NXPE2: variants seen among roughly 807,000 people sequenced by gnomAD.
NXPE2 encodes the protein NXPE family member 2.
In NXPE2, 34 loss-of-function variants were observed where a neutral mutation model predicts 34.4. The observed-to-expected ratio is 0.99, with a 90% CI of 0.75 to 1.31. The LOEUF (loss-of-function observed/expected upper bound fraction) is 1.31. Ranked by LOEUF, NXPE2 falls within the 40% of genes most tolerant of loss-of-function variation. NXPE2 has a pLI of 0.00. For missense variants in NXPE2, 649 were observed against 672.5 expected (o/e 0.97, Z 0.39); for synonymous variants, 235 against 231.3 (o/e 1.02, Z -0.15).
At chr11:114,620,489 GATA>G in the NXPE2 span, among the ~76,000 whole-genome samples, 3 of 151,682 alleles carry the variant, frequency 2.0e-5, no homozygotes, top group Non-Finnish European at 4.4e-5. Context: ...TTGCCCGGTG[GATA>G]ATAAGTGTTG....
the NXPE2 span, among the ~76,000 whole-genome samples, chr11:114,646,972 G>A: frequency 1.3e-5 from 2 of 152,178 alleles, no homozygotes; most frequent in African/African-American, 4.8e-5. Flanking sequence ...CTGTAAACCA[G>A]CACAAGTGTC....
At chr11:114,465,413 A>T in the NXPE2 span, among the ~76,000 whole-genome samples, 1 of 152,216 alleles carries the variant, frequency 6.6e-6, no homozygotes, top group Non-Finnish European at 1.5e-5. Context: ...ATATGATTTC[A>T]TTTAAATAAA....
chr11:114,501,917 T>A, the NXPE2 span, among the ~76,000 whole-genome samples: 1 of 152,226 alleles, frequency 6.6e-6, no homozygotes, highest in Non-Finnish European at 1.5e-5. Context: ...ATCTCTGTGC[T>A]GTCAAAAGTA....
chr11:114,530,813 T>C, the NXPE2 span: 7 of 1,614,100 alleles, frequency 4.3e-6, no homozygotes, highest in Admixed American at 1.2e-4. Flanking sequence ...TCTCTGTTAG[T>C]GGCTTTAATG....
the NXPE2 span, among the ~76,000 whole-genome samples, chr11:114,601,093 C>G: frequency 6.6e-6 from 1 of 151,584 alleles, no homozygotes; most frequent in Non-Finnish European, 1.5e-5. Flanking sequence ...TTGCTATTTA[C>G]TTATTTATAT....
chr11:114,635,475 G>T, the NXPE2 span, among the ~76,000 whole-genome samples: 4 of 151,862 alleles, frequency 2.6e-5, no homozygotes, highest in Non-Finnish European at 4.4e-5. Flanking sequence ...CTGCGTAATT[G>T]CCCTGGCCAG....
chr11:114,755,025 A>G, the NXPE2 span, among the ~76,000 whole-genome samples: 6 of 152,186 alleles, frequency 3.9e-5, no homozygotes, highest in East Asian at 1.2e-3. Flanking sequence ...GATTTTTGCA[A>G]TGTGGAGGTC....
At chr11:114,802,621 T>A in the NXPE2 span, among the ~76,000 whole-genome samples, 1 of 152,186 alleles carries the variant, frequency 6.6e-6, no homozygotes, top group South Asian at 2.1e-4. Context: ...TCTTTTATTT[T>A]TTTTAATAAT....
intron 2 of NXPE2, among the ~76,000 whole-genome samples, chr11:114,689,226 C>G (rs975822623): frequency 1.3e-5 from 2 of 152,052 alleles, no homozygotes; most frequent in Non-Finnish European, 2.9e-5. Context: ...GGATTTAGCA[C>G]TATAAACTTT....
chr11:114,572,118 T>C, the NXPE2 span, among the ~76,000 whole-genome samples: 1 of 152,062 alleles, frequency 6.6e-6, no homozygotes, highest in African/African-American at 2.4e-5. Context: ...CAGAGCCCAG[T>C]AGCTCCACTG....
At chr11:114,736,919 T>C in the NXPE2 span, among the ~76,000 whole-genome samples, 1 of 152,176 alleles carries the variant, frequency 6.6e-6, no homozygotes, top group African/African-American at 2.4e-5. Context: ...AGTGCCTGTT[T>C]GTGGTGTTCC....
the NXPE2 span, among the ~76,000 whole-genome samples, chr11:114,812,058 G>T: frequency 1.3e-5 from 2 of 152,204 alleles, no homozygotes; most frequent in African/African-American, 2.4e-5. Flanking sequence ...AGGACACAAC[G>T]AAAGAAGCAT....
the NXPE2 span, among the ~76,000 whole-genome samples, chr11:114,603,509 T>A: frequency 6.6e-6 from 1 of 150,950 alleles, no homozygotes. Flanking sequence ...ACCTGGTGGA[T>A]GATAAGTATT....
chr11:114,569,630 TTTG>T, the NXPE2 span, among the ~76,000 whole-genome samples: 2 of 152,030 alleles, frequency 1.3e-5, no homozygotes, highest in African/African-American at 2.4e-5. Flanking sequence ...TATCCAGTCT[TTTG>T]TTGTTGTTTT....
chr11:114,578,244 T>G, the NXPE2 span, among the ~76,000 whole-genome samples: 1 of 152,172 alleles, frequency 6.6e-6, no homozygotes, highest in African/African-American at 2.4e-5. Context: ...GGCAGAGTTA[T>G]TTTCTTCACT....
At chr11:114,532,555 C>T in the NXPE2 span, among the ~76,000 whole-genome samples, 1 of 151,990 alleles carries the variant, frequency 6.6e-6, no homozygotes, top group South Asian at 2.1e-4. Context: ...TTGGTGAGTA[C>T]AGACATCCCT....
the NXPE2 span, among the ~76,000 whole-genome samples, chr11:114,723,119 G>A: frequency 6.6e-6 from 1 of 152,092 alleles, no homozygotes; most frequent in Non-Finnish European, 1.5e-5. Context: ...AAAATTCAGG[G>A]TAGTGGATGC....
At position 114,698,867 on chromosome 11, in the gene NXPE2, CA is replaced by C. The variant is rs1009947984; in HGVS notation, c.866+90del. ...GTTTTGCCTAATCAAACTTTTGTAT[CA>C]TGTCAATTATGTTGACTAAATTATA... On this transcript the variant is annotated intron_variant, in intron 3 of 5. Coordinates refer to ENST00000389586, the MANE Select transcript of NXPE2 (RefSeq NM_182495.6). The C allele has an allele frequency of 9.7e-6, 12 of 1,242,736 alleles. No homozygotes were observed. In the African/African-American group the frequency reaches 1.7e-4, roughly 17 times the overall value. 77.0% of individuals were successfully genotyped at this position (1,242,736 alleles called of 1,614,324 possible). A position where few individuals can be genotyped will look rare whatever the true frequency, so the allele number is the denominator to read the frequency against.
At chr11:114,609,500 G>C in the NXPE2 span, among the ~76,000 whole-genome samples, 2 of 151,268 alleles carry the variant, frequency 1.3e-5, no homozygotes, top group Non-Finnish European at 3.0e-5. Context: ...ATTGTTACCT[G>C]GTGGATAATA....
Sources: gnomAD v4.1 joint callset for allele counts (sites outside exome capture counted in the v4.1 genomes callset) on GRCh38, gnomAD v4.1.1 for gene constraint, MANE v1.5 for transcripts, NCBI Gene and HGNC (gene_info 2026-07-23, HGNC 2026-07-21) for gene names.